KY: variants seen among roughly 807,000 people sequenced by gnomAD.
The protein encoded by KY is kyphoscoliosis peptidase.
KY carries 43 observed loss-of-function variants against 76.1 expected under a neutral mutation model. The ratio of observed to expected loss-of-function variants is 0.57; its 90% CI spans 0.44 to 0.73. KY has a LOEUF of 0.73. KY is among the 30% of genes least tolerant of loss of function. The pLI is 0.00. For synonymous variants in KY, 277 were observed against 326.2 expected (o/e 0.85, Z 1.63); for missense variants, 722 against 828.9 (o/e 0.87, Z 1.58).
intron 3 of KY, among the ~76,000 whole-genome samples, chr3:134,632,490 A>G (rs527393963): frequency 9.1e-4 from 139 of 152,072 alleles, no homozygotes; most frequent in Non-Finnish European, 1.7e-3. Context: ...AAAAATTAAC[A>G]TACTTTCAAA....
chr3:134,629,539 G>T, intron 4 of KY, 82 bp downstream of exon 4: 1 of 1,047,790 alleles, frequency 9.5e-7, no homozygotes, highest in Non-Finnish European at 1.4e-6. Context: ...CTCAGAAGAT[G>T]CTTGGGCTGG....
In KY at chr3:134,610,377, G is replaced by A. The variant is rs368879663; in HGVS notation, c.717C>T (p.Ala239=). 7.5e-6 allele frequency: 12 copies of A among 1,610,692 alleles called. No individual in the cohort carries two copies. Among genetic ancestry groups the A allele is most frequent in the South Asian group, 4.4e-5 (4 of 90,876 alleles). Residue 239 remains alanine, a synonymous_variant, in exon 9 of 11, where the codon GCC becomes GCT. Transcript: ENST00000423778. ...CAGGCACGGTCATACACTGCACTCC[G>A]GCGAGCCTGGGGGCAGGACAGGGGG... The part of the protein sequence containing the change: ...AGLFERMCRL[A]GVQCMTVPGY...
At chr3:134,608,019 G>A (rs1175958877) in intron 10 of KY, 1 of 1,050,028 alleles carries the variant, frequency 9.5e-7, no homozygotes, top group Non-Finnish European at 1.2e-6. Flanking sequence ...CCAAGACCCA[G>A]CTCAGTGGCC....
At chr3:134,606,626 C>A (rs896058153) in intron 10 of KY, among the ~76,000 whole-genome samples, 1 of 152,208 alleles carries the variant, frequency 6.6e-6, no homozygotes, top group Non-Finnish European at 1.5e-5. Flanking sequence ...GAACTCCTTG[C>A]TGGCCTGTGG....
At chr3:134,634,393 GGATA>G (rs1315495317) in intron 3 of KY, among the ~76,000 whole-genome samples, 6 of 151,984 alleles carry the variant, frequency 3.9e-5, no homozygotes, top group African/African-American at 1.5e-4. Context: ...GTTGGTAAGA[GGATA>G]GATAAACAGA....
chr3:134,618,983 G>T (rs886739963), intron 8 of KY, among the ~76,000 whole-genome samples, 165 bp downstream of exon 8: 2 of 152,196 alleles, frequency 1.3e-5, no homozygotes, highest in Non-Finnish European at 2.9e-5. Flanking sequence ...AATTATGCTG[G>T]TGTTAAAAAG....
rs374803015 is a variant in KY, at chr3:134,608,681, C to G, written c.1058G>C (p.Ser353Thr). ...GATCATGGAAGTCTCTGGGTGGGCA[C>G]TCAGCATCCCTTTGTTGTAGAATTC... ...KSEFYNKGML[S>T]AHPETSMIRT... Residue 353 changes from serine (S) to threonine (T), a missense_variant, in exon 10 of 11, where the codon AGT becomes ACT. Ser to Thr is a moderately conservative substitution (Grantham distance 58). Transcript: ENST00000423778. 8 of 1,613,946 alleles carry G rather than the reference C, an allele frequency of 5.0e-6. No homozygotes were observed. The African/African-American group carries it at 1.1e-4, about 22-fold the overall frequency.
At chr3:134,613,857 C>T (rs902486695) in intron 8 of KY, among the ~76,000 whole-genome samples, 1 of 152,204 alleles carries the variant, frequency 6.6e-6, no homozygotes, top group African/African-American at 2.4e-5. Flanking sequence ...GGAGTTTTGT[C>T]TCCAGCCACT....
rs1243299919 is a variant in KY at position 134,601,042 on chromosome 3, C to T, written c.*2537G>A. ...CCTGGGGGCGCCCGTGCCATTCCGC[C>T]GGCGACTGGGACTCGTCGCCCGGGA... is the stretch of plus-strand genomic sequence containing the variant. On this transcript the variant is annotated 3_prime_UTR_variant, in exon 11 of 11. Coordinates refer to ENST00000423778, the MANE Select transcript of KY (RefSeq NM_178554.6). 6.6e-6 allele frequency: 1 copy of T among 152,216 alleles called. No individual in the cohort carries two copies. The highest frequency in any genetic ancestry group is 1.9e-4 in the East Asian group (1 of 5,192). 9.4% of individuals were successfully genotyped at this position (152,216 alleles called of 1,614,324 possible).
At chr3:134,608,127 AC>A (rs1959573268) in intron 10 of KY, 1 of 1,129,730 alleles carries the variant, frequency 8.9e-7, no homozygotes, top group Non-Finnish European at 1.1e-6. Context: ...TGCTGGTTGG[AC>A]CACCAACACC....
At position 134,650,938 on chromosome 3, in the gene KY, T is replaced by C. The variant is rs1966881578; in HGVS notation, c.23A>G (p.Asn8Ser). 1 of 1,613,188 alleles carries C rather than the reference T, an allele frequency of 6.2e-7. No individual in the cohort carries two copies. The highest frequency in any genetic ancestry group is 1.3e-5 in the African/African-American group (1 of 74,920). Residue 8 changes from asparagine to serine, a missense_variant, in exon 1 of 11, where the codon AAC (asparagine) becomes AGC (serine). By Grantham distance (46) the Asn-to-Ser change is conservative (BLOSUM62 1). Coordinates refer to ENST00000423778, the MANE Select transcript of KY (RefSeq NM_178554.6). MELKKDI[N>S]AVSIDMLLIV... Reference sequence around the variant, plus strand: ...CAGCAGCATGTCGATAGATACAGCGTTGATGTCCTTCTTCAGCTCCATGAT... The same window carrying C: ...CAGCAGCATGTCGATAGATACAGCGCTGATGTCCTTCTTCAGCTCCATGAT...
chr3:134,643,772 G>A (rs1169719015), intron 2 of KY, among the ~76,000 whole-genome samples: 1 of 151,614 alleles, frequency 6.6e-6, no homozygotes, highest in East Asian at 1.9e-4. Context: ...AGGCTGGGAG[G>A]TTCTGACCTG....
chr3:134,641,544 C>T (rs887643510), intron 3 of KY, among the ~76,000 whole-genome samples: 4 of 152,148 alleles, frequency 2.6e-5, no homozygotes, highest in Non-Finnish European at 4.4e-5. Context: ...GAATGCACCC[C>T]TAGAGCCTCT....
At chr3:134,647,332 G>T in intron 2 of KY, 103 bp downstream of exon 2, 1 of 911,746 alleles carries the variant, frequency 1.1e-6, no homozygotes, top group Non-Finnish European at 1.7e-6. Context: ...TCCGTTCAGT[G>T]GTTAGATGTC....
At position 134,603,906 on chromosome 3, in the gene KY, A is replaced by G. The variant is rs370915585; in HGVS notation, c.1659T>C (p.Asn553=). Residue 553 remains asparagine (N), a synonymous_variant, in exon 11 of 11, where the codon AAT becomes AAC. Transcript: ENST00000423778. ...QEPGNYIFVF[N]YLVCCANTKV... is the part of the protein sequence containing the mutation. ...TGGTGTTGGCACAGCATACAAGGTA[A>G]TTAAAGACGAAGATGTAGTTTCCTG... The G allele has an allele frequency of 1.2e-5, 19 of 1,613,918 alleles. No individual in the cohort carries two copies. Among genetic ancestry groups the G allele is most frequent in the Non-Finnish European group, 1.5e-5 (18 of 1,179,908 alleles).
chr3:134,632,942 C>T (rs1462541958), intron 3 of KY, among the ~76,000 whole-genome samples: 4 of 151,814 alleles, frequency 2.6e-5, no homozygotes, highest in African/African-American at 7.3e-5. Flanking sequence ...CGCTACAGAC[C>T]CTCATATGTA....
intron 8 of KY, among the ~76,000 whole-genome samples, chr3:134,613,558 G>C (rs1342177195): frequency 6.6e-6 from 1 of 152,226 alleles, no homozygotes; most frequent in Non-Finnish European, 1.5e-5. Context: ...CATGGGCAGA[G>C]AGAAATGTTG....
chr3:134,600,395 C>T lies in KY; in HGVS notation c.*3184G>A, dbSNP rs925049551. Among the ~76,000 whole-genome samples, 2 of 152,216 alleles carry T rather than the reference C, an allele frequency of 1.3e-5. No homozygotes were observed. The highest frequency in any genetic ancestry group is 2.4e-5 in the African/African-American group (1 of 41,462). On this transcript the variant is annotated 3_prime_UTR_variant, in exon 11 of 11. Coordinates refer to ENST00000423778, the MANE Select transcript of KY (RefSeq NM_178554.6). ...TTCTTTATGTCTAGCCGAAATCCTT[C>T]ATGCTTCAGTTAGTCTATTTATTTA...
intron 4 of KY, among the ~76,000 whole-genome samples, chr3:134,628,442 G>A (rs953377261): frequency 2.6e-5 from 4 of 152,226 alleles, no homozygotes; most frequent in Non-Finnish European, 5.9e-5. Flanking sequence ...GATGGGATCA[G>A]GGGAGTTGAA....
Sources: allele counts gnomAD v4.1 joint callset (sites outside exome capture counted in the v4.1 genomes callset), GRCh38; gene constraint gnomAD v4.1.1; transcripts MANE v1.5; gene names NCBI Gene and HGNC (gene_info 2026-07-23, HGNC 2026-07-21).